TRAPPC12: variants seen among roughly 807,000 people sequenced by gnomAD.
TRAPPC12 encodes trafficking protein particle complex subunit 12, also known as TPR repeat protein 15.
A neutral mutation model predicts 69.2 loss-of-function variants in TRAPPC12; 61 were observed. The ratio of observed to expected loss-of-function variants is 0.88; its 90% confidence interval spans 0.72 to 1.09. The LOEUF is 1.09. TRAPPC12 is among the 50% of genes least tolerant of loss of function. The pLI is 0.00. For missense variants in TRAPPC12, 1,101 were observed against 1,016.4 expected (o/e 1.08, Z -1.13); for synonymous variants, 469 against 438.9 (o/e 1.07, Z -0.86).
At chr2:3,406,253 C>T (rs913651884) in intron 3 of TRAPPC12, among the ~76,000 whole-genome samples, 1 of 152,194 alleles carries the variant, frequency 6.6e-6, no homozygotes, top group Non-Finnish European at 1.5e-5. Flanking sequence ...CAGGCAGAGA[C>T]CCTCTCCTAA....
intron 2 of TRAPPC12, among the ~76,000 whole-genome samples, chr2:3,399,579 G>A (rs1189916866): frequency 6.6e-6 from 1 of 152,182 alleles, no homozygotes; most frequent in Non-Finnish European, 1.5e-5. Context: ...GGAAGAGACA[G>A]ACCTATGACC....
In TRAPPC12 at chr2:3,428,591, TA is replaced by T. The variant is rs533364646; in HGVS notation, c.1417+3936del. ...ATGTGTAAAAATCATGAAGGTTTTT[TA>T]AAAAAAATTCATCCAAGAAAGGAAC... On this transcript the variant is annotated intron_variant, in intron 5 of 11. Transcript: ENST00000324266. Among the ~76,000 whole-genome samples the T allele has an allele frequency of 9.2e-5, 14 of 152,246 alleles. No individual in the cohort carries two copies. The East Asian group carries it at 2.7e-3, about 29-fold the overall frequency.
chr2:3,391,904 T>C (rs1217996706), intron 2 of TRAPPC12, among the ~76,000 whole-genome samples: 2 of 152,224 alleles, frequency 1.3e-5, no homozygotes, highest in Non-Finnish European at 2.9e-5. Flanking sequence ...TTTAGCACTT[T>C]CTTTCAAACC....
intron 3 of TRAPPC12, among the ~76,000 whole-genome samples, chr2:3,416,515 TCCC>T (rs1662407544): frequency 8.5e-5 from 1 of 11,756 alleles, no homozygotes; most frequent in Non-Finnish European, 1.6e-4. Flanking sequence ...CACTGTGCCC[TCCC>T]CCTGCCCCTT....
chr2:3,425,632 TG>T (rs1431719370), intron 5 of TRAPPC12, among the ~76,000 whole-genome samples: 7 of 152,170 alleles, frequency 4.6e-5, no homozygotes, highest in African/African-American at 1.7e-4. Context: ...ATCAGTAACA[TG>T]GGAAAGTCTC....
At chr2:3,474,328 A>G (rs1313190473) in intron 9 of TRAPPC12, among the ~76,000 whole-genome samples, 1 of 152,162 alleles carries the variant, frequency 6.6e-6, no homozygotes, top group East Asian at 1.9e-4. Context: ...GCTCTTTCCA[A>G]CTTCTGCCTG....
chr2:3,420,783 AGTG>A (rs1662737876), intron 3 of TRAPPC12, among the ~76,000 whole-genome samples: 1 of 152,202 alleles, frequency 6.6e-6, no homozygotes, highest in Non-Finnish European at 1.5e-5. Flanking sequence ...CCCGGCGTGG[AGTG>A]CAGGAGGCGT....
chr2:3,384,332 C>T (rs909241224), intron 1 of TRAPPC12, among the ~76,000 whole-genome samples: 1 of 151,968 alleles, frequency 6.6e-6, no homozygotes, highest in Non-Finnish European at 1.5e-5. Context: ...TAATCCTGCC[C>T]GAGGACTCCA....
In TRAPPC12 at chr2:3,388,066, A is replaced by C; in HGVS notation, c.443A>C (p.Glu148Ala). The C allele has an allele frequency of 1.3e-6, 2 of 1,525,872 alleles. No homozygotes were observed. Among genetic ancestry groups the C allele is most frequent in the Non-Finnish European group, 1.8e-6 (2 of 1,141,498 alleles). 94.5% of individuals were successfully genotyped at this position (1,525,872 alleles called of 1,614,324 possible). A position where few individuals can be genotyped will look rare whatever the true frequency, so the allele number is the denominator to read the frequency against. Residue 148 changes from glutamate (E) to alanine (A), a missense_variant, in exon 2 of 12, where the codon GAG becomes GCG. Coordinates refer to ENST00000324266, the MANE Select transcript of TRAPPC12 (RefSeq NM_016030.6). ...CCAGGCAGCGAAGCCGCGCGCCCGG[A>C]GCAGGAGCCTCCCGTTGCGGAGCCG... ...EVPGSEAARPEQEPPVAEPVP... is the reference protein window; with the variant it reads ...EVPGSEAARPAQEPPVAEPVP...
chr2:3,442,091 AG>A (rs1664247348), intron 5 of TRAPPC12, among the ~76,000 whole-genome samples: 1 of 107,072 alleles, frequency 9.3e-6, no homozygotes, highest in Non-Finnish European at 2.1e-5. Context: ...CTATAAATTG[AG>A]ATCGGAGTAT....
At chr2:3,412,885 T>C (rs1412003723) in intron 3 of TRAPPC12, among the ~76,000 whole-genome samples, 2 of 152,222 alleles carry the variant, frequency 1.3e-5, no homozygotes, top group Non-Finnish European at 2.9e-5. Context: ...CATAAGTTGA[T>C]AAGTACAACC....
intron 5 of TRAPPC12, among the ~76,000 whole-genome samples, chr2:3,427,310 C>G (rs996208330): frequency 2.0e-5 from 3 of 152,202 alleles, no homozygotes; most frequent in African/African-American, 7.2e-5. Flanking sequence ...GGGACTCTGC[C>G]TGGGCCGGGG....
chr2:3,468,915 G>A (rs1446357020), intron 9 of TRAPPC12, among the ~76,000 whole-genome samples: 1 of 152,244 alleles, frequency 6.6e-6, no homozygotes, highest in Admixed American at 6.5e-5. Flanking sequence ...GGTCAGTGGT[G>A]CAGGACAAGA....
rs758671422 is a variant in TRAPPC12, at chr2:3,479,466, C to T, written c.*5C>T. 7.9e-5 allele frequency: 128 copies of T among 1,613,324 alleles called. No individual in the cohort carries two copies. The highest frequency in any genetic ancestry group is 1.0e-4 in the Non-Finnish European group (121 of 1,179,786). On this transcript the variant is annotated 3_prime_UTR_variant, in exon 12 of 12. Transcript: ENST00000324266. The stretch of plus-strand genomic sequence containing the variant: ...CAGTGCCTCAAGCTGGCCTAGCTGC[C>T]TCCAACACACTACGTCAGAAGGACC...
At chr2:3,448,618 C>G (rs4971506) in intron 6 of TRAPPC12, among the ~76,000 whole-genome samples, 12,202 of 101,196 alleles carry the variant, frequency 0.12, 659 homozygotes, top group Middle Eastern at 0.23. Context: ...GGTAGGGCGT[C>G]TAGAGCAGCC....
chr2:3,465,822 A>G (rs1437374929), intron 9 of TRAPPC12, 127 bp downstream of exon 9: 1 of 714,020 alleles, frequency 1.4e-6, no homozygotes, highest in Non-Finnish European at 2.4e-6. Flanking sequence ...ATTCAAATGT[A>G]TGTGACCATG....
At chr2:3,457,485 T>G (rs1289115189) in intron 6 of TRAPPC12, 136 bp from the exon 7 acceptor site, 17 of 659,952 alleles carry the variant, frequency 2.6e-5, no homozygotes, top group Non-Finnish European at 4.5e-5. Context: ...TAATATTTTT[T>G]AAAAGTATGT....
chr2:3,449,898 G>A (rs542168870), intron 6 of TRAPPC12, among the ~76,000 whole-genome samples: 1 of 152,154 alleles, frequency 6.6e-6, no homozygotes, highest in Non-Finnish European at 1.5e-5. Flanking sequence ...AGGAAAGGCC[G>A]AGTGAGGATG....
intron 3 of TRAPPC12, among the ~76,000 whole-genome samples, chr2:3,412,181 G>A (rs1662100532): frequency 6.6e-6 from 1 of 152,172 alleles, no homozygotes. Context: ...CAATGCATTA[G>A]ATGCGGCCAC....
Sources: gnomAD v4.1 joint callset for allele counts (sites outside exome capture counted in the v4.1 genomes callset) on GRCh38, gnomAD v4.1.1 for gene constraint, MANE v1.5 for transcripts, NCBI Gene and HGNC (gene_info 2026-07-23, HGNC 2026-07-21) for gene names.